Variants in SUPT6H observed in about 807,000 individuals in gnomAD.
SUPT6H encodes the protein transcription elongation factor SPT6.
SUPT6H carries 11 observed loss-of-function variants against 222.3 expected under a neutral mutation model. That is an observed-to-expected ratio of 0.05 (90% CI 0.03 to 0.08). SUPT6H has a LOEUF of 0.08. SUPT6H is among the 10% of genes least tolerant of loss of function. The pLI is 1.00. For synonymous variants in SUPT6H, 762 were observed against 801.2 expected (o/e 0.95, Z 0.83); for missense variants, 1,422 against 2,216.0 (o/e 0.64, Z 7.19).
At chr17:28,665,320 A>C (rs1196248091) in intron 1 of SUPT6H, among the ~76,000 whole-genome samples, 1 of 152,230 alleles carries the variant, frequency 6.6e-6, no homozygotes, top group East Asian at 1.9e-4. Context: ...ACTTTAGATG[A>C]GATGAGAATA....
At chr17:28,699,346 ATC>A (rs1280611278) in intron 32 of SUPT6H, among the ~76,000 whole-genome samples, 1 of 152,168 alleles carries the variant, frequency 6.6e-6, no homozygotes, top group Non-Finnish European at 1.5e-5. Flanking sequence ...CTTAACAACT[ATC>A]TGCTACTCTC....
chr17:28,673,475 G>T lies in SUPT6H; in HGVS notation c.74G>T (p.Arg25Leu). Residue 25 changes from arginine (R) to leucine (L), a missense_variant, in exon 2 of 37, where the codon CGA (arginine) becomes CTA (leucine). This residue lies in a region of SUPT6H where 89 missense variants were observed against 118.9 expected (regional missense o/e 0.75). Coordinates refer to ENST00000314616, the MANE Select transcript of SUPT6H (RefSeq NM_003170.5). ...EYNDEGEVVP[R>L]VTKKFVEEED... ...AATGATGAAGGCGAGGTGGTACCCC[G>T]AGTCACCAAGAAATTTGTGGAAGAG... 6.2e-7 allele frequency: 1 copy of T among 1,613,630 alleles called. No homozygotes were observed. The highest frequency in any genetic ancestry group is 8.5e-7 in the Non-Finnish European group (1 of 1,179,960).
chr17:28,679,270 G>T (rs945158931), intron 11 of SUPT6H, among the ~76,000 whole-genome samples: 5 of 152,220 alleles, frequency 3.3e-5, no homozygotes, highest in Non-Finnish European at 7.3e-5. Context: ...CTACTCAGGA[G>T]GCTGAGGCAG....
chr17:28,693,962 TC>T (rs1230459195), intron 28 of SUPT6H, 126 bp downstream of exon 28: 4 of 1,288,476 alleles, frequency 3.1e-6, no homozygotes, highest in Non-Finnish European at 4.3e-6. Context: ...GGGAAGTGTT[TC>T]AGGGAAGATT....
rs749146559 is a variant in SUPT6H at position 28,676,479 on chromosome 17, TA to T, written c.897+50del. 3 of 1,607,738 alleles carry T rather than the reference TA, an allele frequency of 1.9e-6. No individual in the cohort carries two copies. In the East Asian group the frequency reaches 6.7e-5, roughly 36 times the overall value. On this transcript the variant is annotated intron_variant, in intron 7 of 36. Transcript: ENST00000314616. ...CTTCTACCAATCCATAATTACCTTG[TA>T]GCCAAGAAATATTCTAGCAAAAGTC...
intron 1 of SUPT6H, chr17:28,670,516 C>T (rs1355173700): frequency 6.6e-6 from 1 of 152,132 alleles, no homozygotes; most frequent in Non-Finnish European, 1.5e-5. Flanking sequence ...TTCTGTGTGT[C>T]TATTGTAATA....
chr17:28,683,070 C>G lies in SUPT6H; in HGVS notation c.1856C>G (p.Thr619Ser), dbSNP rs761429543. Residue 619 changes from threonine to serine, a missense_variant, in exon 15 of 37, where the codon ACC (threonine) becomes AGC (serine). Thr to Ser is a moderately conservative substitution (Grantham distance 58, BLOSUM62 1). Coordinates refer to ENST00000314616, the MANE Select transcript of SUPT6H (RefSeq NM_003170.5). The part of the protein sequence containing the change: ...TFQERAKLNI[T>S]PTKKGRKDVD... The stretch of plus-strand genomic sequence containing the variant: ...CAAGAGAGAGCCAAGTTAAATATAA[C>G]CCCCACCAAGAAAGGTAGAAAGGTG... 6.2e-6 allele frequency: 10 copies of G among 1,606,752 alleles called. No individual in the cohort carries two copies. The highest frequency in any genetic ancestry group is 3.3e-4 in the Middle Eastern group (2 of 6,010).
At chr17:28,691,211 T>G in intron 27 of SUPT6H, 148 bp downstream of exon 27, 2 of 1,121,714 alleles carry the variant, frequency 1.8e-6, no homozygotes, top group South Asian at 3.0e-5. Context: ...AACACACAGG[T>G]TTAGCATGAA....
intron 1 of SUPT6H, 85 bp downstream of exon 1, chr17:28,662,427 G>A (rs2072072520): frequency 6.5e-6 from 1 of 153,742 alleles, no homozygotes; most frequent in African/African-American, 2.4e-5. Context: ...AAGGGAAGAG[G>A]CAGTGGGGAG....
At chr17:28,677,100 C>T (rs948254313) in intron 7 of SUPT6H, among the ~76,000 whole-genome samples, 1 of 151,366 alleles carries the variant, frequency 6.6e-6, no homozygotes, top group Non-Finnish European at 1.5e-5. Flanking sequence ...CGGCCAGGCA[C>T]GGTGACTCAC....
Position 28,674,423 on chromosome 17 carries a change from C to T in SUPT6H, c.250C>T (p.His84Tyr), listed in dbSNP as rs768869427. 2 of 1,613,658 alleles carry T rather than the reference C, an allele frequency of 1.2e-6. No homozygotes were observed. The highest frequency in any genetic ancestry group is 4.5e-5 in the East Asian group (2 of 44,868). The change falls in exon 3 of 37, where the codon CAC becomes TAC. Residue 84 changes from histidine (H) to tyrosine (Y), a missense_variant. Transcript: ENST00000314616. ...TGGTGATTCAGAAGATGATGTTGGC[C>T]ACAAGAAGAGAAAACGCAGTGAGTA... Reference protein sequence around the residue: ...DSGDSEDDVGHKKRKRTSFDD... With the variant: ...DSGDSEDDVGYKKRKRTSFDD...
At chr17:28,692,197 G>T (rs867596476) in intron 27 of SUPT6H, among the ~76,000 whole-genome samples, 1 of 151,184 alleles carries the variant, frequency 6.6e-6, no homozygotes, top group African/African-American at 2.4e-5. Flanking sequence ...GGTGGTGGGC[G>T]CCTGTAGTCC....
intron 32 of SUPT6H, among the ~76,000 whole-genome samples, chr17:28,698,502 C>A (rs2032015558): frequency 6.6e-6 from 1 of 151,744 alleles, no homozygotes; most frequent in Non-Finnish European, 1.5e-5. Flanking sequence ...GCTGCTCTGC[C>A]TGCTTCTGTG....
Position 28,688,038 on chromosome 17 carries a change from TG to T in SUPT6H, c.3007-49del. On this transcript the variant is annotated intron_variant, in intron 23 of 36. Coordinates refer to ENST00000314616, the MANE Select transcript of SUPT6H (RefSeq NM_003170.5). The surrounding 1 kb of genome is among the most constrained non-coding windows in gnomAD (Gnocchi z 4.3). ...GGGTTTAATAGAGACTGGAACAGTC[TG>T]GGGAGGTGGGGCCTGCTTACTGCCC... 6.5e-7 allele frequency: 1 copy of T among 1,541,260 alleles called. No individual in the cohort carries two copies. Among genetic ancestry groups the T allele is most frequent in the Non-Finnish European group, 8.8e-7 (1 of 1,141,750 alleles).
At chr17:28,686,874 A>G (rs762802038) in intron 21 of SUPT6H, 85 bp downstream of exon 21, 1 of 1,483,094 alleles carries the variant, frequency 6.7e-7, no homozygotes, top group Admixed American at 2.3e-5. Flanking sequence ...AAAAGTTATC[A>G]GGGGCACAGG....
rs780281226 is a variant in SUPT6H, at chr17:28,688,129, C to T, written c.3045C>T (p.Thr1015=). ...KQNNTRLESR[T]QLVTMCHMGP... ...ACAACACCCGGCTCGAGAGCCGGAC[C>T]CAGCTGGTCACCATGTGCCACATGG... Residue 1015 remains threonine (T), a synonymous_variant, in exon 24 of 37, where the codon ACC becomes ACT. Transcript: ENST00000314616. The surrounding 1 kb of genome is among the most constrained non-coding windows in gnomAD (Gnocchi z 4.3). 1.2e-5 allele frequency: 20 copies of T among 1,613,504 alleles called. No individual in the cohort carries two copies. In the South Asian group the frequency reaches 2.2e-4, roughly 18 times the overall value.
chr17:28,684,832 T>C lies in SUPT6H; in HGVS notation c.2370-12T>C, dbSNP rs2031300815. The C allele has an allele frequency of 5.0e-6, 8 of 1,614,064 alleles. No individual in the cohort carries two copies. The highest frequency in any genetic ancestry group is 6.8e-6 in the Non-Finnish European group (8 of 1,179,904). On this transcript the variant is annotated splice_polypyrimidine_tract_variant and intron_variant, in intron 18 of 36. Coordinates refer to ENST00000314616, the MANE Select transcript of SUPT6H (RefSeq NM_003170.5). Reference sequence around the variant, plus strand: ...TGATTATTGCATTCTTGTTTTTCTGTCTGTCTGGCAGAGATCACCCTGTGT... The same window carrying C: ...TGATTATTGCATTCTTGTTTTTCTGCCTGTCTGGCAGAGATCACCCTGTGT...
chr17:28,684,512 C>G (rs1376988478), intron 17 of SUPT6H, 74 bp from the exon 18 acceptor site: 2 of 1,579,090 alleles, frequency 1.3e-6, no homozygotes, highest in African/African-American at 2.7e-5. Flanking sequence ...GAGTGTGTTT[C>G]CATAGCACTC....
At chr17:28,674,811 A>G (rs1012706875) in intron 4 of SUPT6H, 159 bp from the exon 5 acceptor site, 4 of 1,037,836 alleles carry the variant, frequency 3.9e-6, no homozygotes, top group Middle Eastern at 3.0e-4. Flanking sequence ...CCAAGTTTCA[A>G]GGATGGGCTT....
Sources: gnomAD v4.1 joint callset for allele counts (sites outside exome capture counted in the v4.1 genomes callset) on GRCh38, gnomAD v4.1.1 for gene constraint, gnomAD v4.1.1 regional missense constraint, Gnocchi (gnomAD v3.1) non-coding constraint, MANE v1.5 for transcripts, NCBI Gene and HGNC (gene_info 2026-07-23, HGNC 2026-07-21) for gene names.